TULP3: variants seen among roughly 807,000 people sequenced by gnomAD.
TULP3 encodes the protein TUB like protein 3, also known as tubby-related protein 3.
TULP3 carries 38 observed loss-of-function variants against 50.7 expected under a neutral mutation model. The observed-to-expected ratio is 0.75, with a 90% CI of 0.58 to 0.98. The LOEUF (loss-of-function observed/expected upper bound fraction) is 0.98. Among genes scored for constraint, TULP3 ranks in the 50% least tolerant of loss-of-function variants. TULP3 has a pLI of 0.00. For missense variants in TULP3, 550 were observed against 568.0 expected (o/e 0.97, Z 0.32); for synonymous variants, 183 against 196.6 (o/e 0.93, Z 0.58).
At chr12:2,893,470 G>A (rs190896235) in intron 1 of TULP3, among the ~76,000 whole-genome samples, 35 of 151,870 alleles carry the variant, frequency 2.3e-4, no homozygotes, top group African/African-American at 7.7e-4. Flanking sequence ...ACAGGCATGC[G>A]CCACCGTGCC....
At chr12:2,899,229 C>T (rs1430877125) in intron 1 of TULP3, among the ~76,000 whole-genome samples, 1 of 151,346 alleles carries the variant, frequency 6.6e-6, no homozygotes, top group Non-Finnish European at 1.5e-5. Flanking sequence ...CCTGTAATCC[C>T]AGCTACTCGG....
chr12:2,915,114 G>A (rs1291457826), intron 2 of TULP3, among the ~76,000 whole-genome samples: 8 of 151,760 alleles, frequency 5.3e-5, no homozygotes, highest in African/African-American at 1.7e-4. Context: ...TCAGCCTCTC[G>A]AGTAGCTAGG....
chr12:2,902,828 G>A (rs987373062), intron 1 of TULP3, among the ~76,000 whole-genome samples: 1 of 151,422 alleles, frequency 6.6e-6, no homozygotes, highest in African/African-American at 2.4e-5. Context: ...AATACTGTGT[G>A]AGCATAATTT....
chr12:2,909,573 A>G lies in TULP3; in HGVS notation c.86A>G (p.Asp29Gly). The G allele has an allele frequency of 6.3e-7, 1 of 1,579,568 alleles. No individual in the cohort carries two copies. Among genetic ancestry groups the G allele is most frequent in the Non-Finnish European group, 8.5e-7 (1 of 1,170,466 alleles). The change falls in exon 2 of 11, where the codon GAT becomes GGT. Residue 29 changes from aspartate to glycine, a missense_variant. Physicochemically the swap from Asp to Gly is moderately conservative, Grantham distance 94. Coordinates refer to ENST00000448120, the MANE Select transcript of TULP3 (RefSeq NM_003324.5). ...EMMKMRQAKL[D>G]YQRLLLEKRQ... ...ATGAAGATGCGACAGGCTAAGCTGG[A>G]TTATCAGGTGAGCAGAGTCTCCTCT...
intron 9 of TULP3, 79 bp from the exon 10 acceptor site, chr12:2,938,035 G>A: frequency 6.7e-7 from 1 of 1,493,786 alleles, no homozygotes. Context: ...CTGAAATGGA[G>A]AAAGTATTCT....
chr12:2,909,507 T>A (rs1378239705), intron 1 of TULP3, 22 bp from the exon 2 acceptor site: 1 of 1,534,562 alleles, frequency 6.5e-7, no homozygotes, highest in East Asian at 2.3e-5. Context: ...TATACTTGCT[T>A]TATTTTTTTT....
At chr12:2,920,189 A>G (rs973754192) in intron 2 of TULP3, among the ~76,000 whole-genome samples, 3 of 152,148 alleles carry the variant, frequency 2.0e-5, no homozygotes, top group Non-Finnish European at 4.4e-5. Flanking sequence ...GATGATTCCC[A>G]TACATCTTTA....
chr12:2,908,295 A>G (rs1163244892), intron 1 of TULP3, among the ~76,000 whole-genome samples: 1 of 152,204 alleles, frequency 6.6e-6, no homozygotes, highest in Non-Finnish European at 1.5e-5. Context: ...CCCAGTAAAC[A>G]TTTATCATCC....
chr12:2,900,673 C>A (rs2098178606), intron 1 of TULP3, among the ~76,000 whole-genome samples: 1 of 150,552 alleles, frequency 6.6e-6, no homozygotes, highest in Non-Finnish European at 1.5e-5. Context: ...TGGAATTCTT[C>A]TATTCCTGTA....
chr12:2,936,131 G>C (rs185938763), intron 8 of TULP3, among the ~76,000 whole-genome samples: 3 of 151,992 alleles, frequency 2.0e-5, no homozygotes, highest in African/African-American at 7.3e-5. Flanking sequence ...TTAGCCAGGC[G>C]TGGTGGCAGG....
intron 2 of TULP3, among the ~76,000 whole-genome samples, chr12:2,912,117 T>A (rs1283380596): frequency 6.6e-6 from 1 of 152,162 alleles, no homozygotes; most frequent in Non-Finnish European, 1.5e-5. Context: ...CAGCACCACA[T>A]AATGAAGAAA....
intron 8 of TULP3, among the ~76,000 whole-genome samples, chr12:2,937,388 T>G (rs1426815179): frequency 6.6e-6 from 1 of 151,316 alleles, no homozygotes; most frequent in African/African-American, 2.4e-5. Context: ...GGCTAATTTT[T>G]GTATTTTTAG....
Position 2,939,879 on chromosome 12 carries a change from G to C in TULP3, c.*435G>C. ...TTGGTGAGGGATCACAGCTTAGCAT[G>C]GGTGAGAGATGATTTAAAGCACAGG... On this transcript the variant is annotated 3_prime_UTR_variant, in exon 11 of 11. Transcript: ENST00000448120. The surrounding 1 kb of genome is among the most constrained non-coding windows in gnomAD (Gnocchi z 4.0). The C allele has an allele frequency of 3.3e-6, 4 of 1,221,470 alleles. No individual in the cohort carries two copies. Among genetic ancestry groups the C allele is most frequent in the Non-Finnish European group, 4.2e-6 (4 of 954,098 alleles). The allele number at this position is 1,221,470 out of a possible 1,614,324, so 75.7% of individuals were successfully genotyped here.
rs1301087117 is a variant in TULP3 at position 2,905,314 on chromosome 12, T to A, written c.42-4215T>A. On this transcript the variant is annotated intron_variant, in intron 1 of 10. Transcript: ENST00000448120. Reference sequence around the variant, plus strand: ...AATTCTCTTGCCTAAGCCTCCCGAGTAGCTGGGACAACAGGCATGTACCAC... The same window carrying A: ...AATTCTCTTGCCTAAGCCTCCCGAGAAGCTGGGACAACAGGCATGTACCAC... Among the ~76,000 whole-genome samples the A allele has an allele frequency of 2.0e-5, 3 of 150,844 alleles. No individual in the cohort carries two copies. The East Asian group carries it at 6.0e-4, about 30-fold the overall frequency.
chr12:2,891,526 T>C (rs2098172060), intron 1 of TULP3, among the ~76,000 whole-genome samples: 1 of 152,216 alleles, frequency 6.6e-6, no homozygotes, highest in Non-Finnish European at 1.5e-5. Context: ...CGGGATGGTC[T>C]GACTGATTTG....
At chr12:2,892,196 C>G (rs890172207) in intron 1 of TULP3, among the ~76,000 whole-genome samples, 1 of 151,916 alleles carries the variant, frequency 6.6e-6, no homozygotes, top group African/African-American at 2.4e-5. Context: ...GGGTAAAGAA[C>G]ATGTATTTTC....
chr12:2,905,095 G>T (rs1356644150), intron 1 of TULP3, among the ~76,000 whole-genome samples: 2 of 112,766 alleles, frequency 1.8e-5, no homozygotes, highest in Admixed American at 9.0e-5. Context: ...AAAAAAAAAA[G>T]AATATTAAAT....
intron 2 of TULP3, among the ~76,000 whole-genome samples, chr12:2,917,655 A>AC: frequency 2.0e-5 from 3 of 151,812 alleles, no homozygotes; most frequent in Admixed American, 2.0e-4. Flanking sequence ...AGGCGGGCGG[A>AC]TCATGAGGTC....
intron 6 of TULP3, among the ~76,000 whole-genome samples, chr12:2,931,729 TA>T (rs2098198160): frequency 6.6e-6 from 1 of 152,194 alleles, no homozygotes; most frequent in Non-Finnish European, 1.5e-5. Flanking sequence ...ATTAATTTTG[TA>T]TTAATACCAG....
Sources: allele counts gnomAD v4.1 joint callset (sites outside exome capture counted in the v4.1 genomes callset), GRCh38; gene constraint gnomAD v4.1.1; non-coding constraint Gnocchi (gnomAD v3.1); transcripts MANE v1.5; gene names NCBI Gene and HGNC (gene_info 2026-07-23, HGNC 2026-07-21).